PAX3: variants seen among roughly 807,000 people sequenced by gnomAD.
The protein encoded by PAX3 is paired box protein Pax-3.
Under a neutral mutation model 51.6 loss-of-function variants are expected in PAX3, and 14 were observed. That is an observed-to-expected ratio of 0.27 (90% CI 0.18 to 0.42). PAX3 has a LOEUF of 0.42. Ranked by LOEUF, PAX3 falls within the 10% of genes least tolerant of loss-of-function variation. The pLI is 1.00. For missense variants in PAX3, 540 were observed against 642.8 expected (o/e 0.84, Z 1.73); for synonymous variants, 280 against 253.4 (o/e 1.11, Z -1.00).
At chr2:222,232,378 T>C (rs1237760596) in intron 4 of PAX3, 95 bp from the exon 5 acceptor site, 2 of 1,031,204 alleles carry the variant, frequency 1.9e-6, no homozygotes, top group Non-Finnish European at 1.5e-6. Flanking sequence ...CAAGACACCA[T>C]TACAGTGATC....
intron 4 of PAX3, among the ~76,000 whole-genome samples, chr2:222,236,203 T>G (rs375672572): frequency 6.6e-6 from 1 of 152,168 alleles, no homozygotes; most frequent in African/African-American, 2.4e-5. Flanking sequence ...GAAATAAAAT[T>G]TATTTGTACA....
At chr2:222,297,896 A>T (rs1156713463) in intron 1 of PAX3, among the ~76,000 whole-genome samples, 1 of 152,190 alleles carries the variant, frequency 6.6e-6, no homozygotes, top group Non-Finnish European at 1.5e-5. Context: ...GGGCGCCCTA[A>T]CCTGGAAAAC....
At chr2:222,271,300 G>A (rs984328907) in intron 4 of PAX3, among the ~76,000 whole-genome samples, 3 of 152,194 alleles carry the variant, frequency 2.0e-5, no homozygotes, top group African/African-American at 4.8e-5. Context: ...AAATCCGTAA[G>A]TGGAATAAAC....
intron 4 of PAX3, among the ~76,000 whole-genome samples, chr2:222,292,549 C>A (rs1024316306): frequency 2.0e-5 from 3 of 152,216 alleles, no homozygotes; most frequent in African/African-American, 7.2e-5. Flanking sequence ...CTGCCAGCGC[C>A]GGAGCCTCCA....
chr2:222,202,233 G>A, intron 7 of PAX3, 43 bp from the exon 8 acceptor site: 1 of 1,362,376 alleles, frequency 7.3e-7, no homozygotes, highest in Non-Finnish European at 1.0e-6. Context: ...AATGCAGAGA[G>A]ATCCAGATTG....
chr2:222,273,645 C>A (rs1694325082), intron 4 of PAX3, among the ~76,000 whole-genome samples: 1 of 152,190 alleles, frequency 6.6e-6, no homozygotes, highest in African/African-American at 2.4e-5. Flanking sequence ...TCCATCCTAG[C>A]TTTTAAGTCA....
At chr2:222,219,789 TAAAACAAAAAAAC>T (rs1692112370) in intron 7 of PAX3, among the ~76,000 whole-genome samples, 1 of 151,972 alleles carries the variant, frequency 6.6e-6, no homozygotes, top group Non-Finnish European at 1.5e-5. Context: ...AAATACAATT[TAAAACAAAAAAAC>T]AAAACAAAAA....
At position 222,277,866 on chromosome 2, in the gene PAX3, G is replaced by A. The variant is rs568347782; in HGVS notation, c.586+16301C>T. Among the ~76,000 whole-genome samples, 71 of 151,372 alleles carry A rather than the reference G, an allele frequency of 4.7e-4. No individual in the cohort carries two copies. The East Asian group carries it at 0.011, about 24-fold the overall frequency. On this transcript the variant is annotated intron_variant, in intron 4 of 8. Coordinates refer to ENST00000392070, the MANE Select transcript of PAX3 (RefSeq NM_181458.4). ...GGAGAATCGCTTGAACCCAGAAGGC[G>A]GAGGCTGCAGTGAGCTGAGATCATG...
At chr2:222,242,740 G>A (rs181858446) in intron 4 of PAX3, 9 of 152,280 alleles carry the variant, frequency 5.9e-5, no homozygotes, top group Admixed American at 5.9e-4. Flanking sequence ...TACTTTCAGT[G>A]GTGGTTGGTG....
In PAX3 at chr2:222,243,443, A is replaced by C. The variant is rs369862476; in HGVS notation, c.587-11160T>G. Among the ~76,000 whole-genome samples the C allele has an allele frequency of 8.9e-4, 135 of 152,338 alleles. 1 individual carries two copies. Among genetic ancestry groups the C allele is most frequent in the African/African-American group, 3.2e-3 (132 of 41,584 alleles). Reference sequence around the variant, plus strand: ...CCTTTGCACTAGGGATGCAAATATGAATAATATATGGAGCCTAAACTCAAA... The same window carrying C: ...CCTTTGCACTAGGGATGCAAATATGCATAATATATGGAGCCTAAACTCAAA... On this transcript the variant is annotated intron_variant, in intron 4 of 8. Transcript: ENST00000392070.
In PAX3 at chr2:222,266,506, T is replaced by C. The variant is rs377601416; in HGVS notation, c.586+27661A>G. Among the ~76,000 whole-genome samples, 11 of 152,324 alleles carry C rather than the reference T, an allele frequency of 7.2e-5. No homozygotes were observed. The South Asian group carries it at 1.2e-3, about 17-fold the overall frequency. On this transcript the variant is annotated intron_variant, in intron 4 of 8. Coordinates refer to ENST00000392070, the MANE Select transcript of PAX3 (RefSeq NM_181458.4). ...TCCTCAGTTATTTCTTAATACCACC[T>C]GTCTTCCCAGAAGGCACAAGCCAAT...
chr2:222,233,338 A>G (rs1030028524), intron 4 of PAX3, among the ~76,000 whole-genome samples: 9 of 152,076 alleles, frequency 5.9e-5, no homozygotes, highest in African/African-American at 2.2e-4. Context: ...GGGGCAAGAG[A>G]AGCGGGAAGT....
intron 4 of PAX3, chr2:222,263,051 G>A (rs1256204526): frequency 6.6e-6 from 1 of 152,160 alleles, no homozygotes; most frequent in African/African-American, 2.4e-5. Flanking sequence ...ACCAAGGCTA[G>A]TCAAATAGTT....
chr2:222,298,343 C>T (rs948354713), intron 1 of PAX3, 188 bp downstream of exon 1: 9 of 610,268 alleles, frequency 1.5e-5, no homozygotes, highest in Non-Finnish European at 2.6e-5. Context: ...TTGCAGAGAG[C>T]AGCGCGCTCC....
At chr2:222,219,179 G>T (rs1044332392) in intron 7 of PAX3, among the ~76,000 whole-genome samples, 17 of 152,094 alleles carry the variant, frequency 1.1e-4, no homozygotes, top group Non-Finnish European at 1.5e-5. Context: ...GAGTATAATT[G>T]TCTTTTCACT....
At chr2:222,233,323 G>A (rs1692680495) in intron 4 of PAX3, among the ~76,000 whole-genome samples, 1 of 152,180 alleles carries the variant, frequency 6.6e-6, no homozygotes, top group African/African-American at 2.4e-5. Context: ...GAGTGGGCAG[G>A]TACAGGGGCA....
chr2:222,298,819 G>C lies in PAX3; in HGVS notation c.-204C>G. 1 of 615,712 alleles carries C rather than the reference G, an allele frequency of 1.6e-6. No homozygotes were observed. Among genetic ancestry groups the C allele is most frequent in the Non-Finnish European group, 2.9e-6 (1 of 343,214 alleles). 38.1% of individuals were successfully genotyped at this position (615,712 alleles called of 1,614,324 possible). The stretch of plus-strand genomic sequence containing the variant: ...CTGGAACCCGGGAAAGGGGAGGACG[G>C]GGAGGCCCCGGAGTCCAGGATCCCG... On this transcript the variant is annotated 5_prime_UTR_variant, in exon 1 of 9. Coordinates refer to ENST00000392070, the MANE Select transcript of PAX3 (RefSeq NM_181458.4).
chr2:222,253,642 T>C (rs1368031505), intron 4 of PAX3, among the ~76,000 whole-genome samples: 3 of 152,144 alleles, frequency 2.0e-5, no homozygotes, highest in South Asian at 2.1e-4. Context: ...TCTTTTTTTT[T>C]TTTCTTTCTT....
At chr2:222,237,301 A>T (rs913895729) in intron 4 of PAX3, among the ~76,000 whole-genome samples, 1 of 147,634 alleles carries the variant, frequency 6.8e-6, no homozygotes, top group Admixed American at 6.9e-5. Context: ...AGTATCTTAA[A>T]TGAGTGTTGA....
Sources: allele counts gnomAD v4.1 joint callset (sites outside exome capture counted in the v4.1 genomes callset), GRCh38; gene constraint gnomAD v4.1.1; transcripts MANE v1.5; gene names NCBI Gene and HGNC (gene_info 2026-07-23, HGNC 2026-07-21).